The following NR2C1 variants were observed in gnomAD, a reference collection of about 807,000 sequenced individuals.
The protein encoded by NR2C1 is nuclear receptor subfamily 2 group C member 1.
In NR2C1, 33 loss-of-function variants were observed where a neutral mutation model predicts 74.8. The observed-to-expected ratio is 0.44, with a 90% CI of 0.33 to 0.59. The LOEUF is 0.59. Among genes scored for constraint, NR2C1 ranks in the 20% least tolerant of loss-of-function variants. The pLI is 0.02. For synonymous variants in NR2C1, 225 were observed against 240.6 expected (o/e 0.94, Z 0.60); for missense variants, 568 against 715.6 (o/e 0.79, Z 2.35).
Position 95,062,534 on chromosome 12 carries a change from G to C in NR2C1, c.259C>G (p.Pro87Ala), listed in dbSNP as rs143101823. The change falls in exon 3 of 14, where the codon CCT becomes GCT. Residue 87 changes from proline (P) to alanine (A), a missense_variant. Physicochemically the swap from Pro to Ala is conservative, Grantham distance 27. Around this residue, in one of 6 missense-constraint regions of NR2C1, gnomAD observed 128 missense variants for 118.9 expected, o/e 1.08. Transcript: ENST00000333003. ...TGCAGGTGTTGTGCAGACAGATCAG[G>C]AGTGGTAAAAAATAACTGGTTGACA... ...AGVNQLFFTT[P>A]DLSAQHLQLL... 2.1e-5 allele frequency: 34 copies of C among 1,610,710 alleles called. No homozygotes were observed. The highest frequency in any genetic ancestry group is 3.3e-4 in the Middle Eastern group (2 of 6,080).
chr12:95,070,256 C>T (rs538251746), intron 1 of NR2C1, among the ~76,000 whole-genome samples: 5 of 152,176 alleles, frequency 3.3e-5, no homozygotes, highest in Non-Finnish European at 7.4e-5. Flanking sequence ...CTCAGCCTCC[C>T]GAGTAGCTGG....
intron 8 of NR2C1, among the ~76,000 whole-genome samples, chr12:95,051,292 T>C (rs191174544): frequency 2.0e-5 from 3 of 152,282 alleles, no homozygotes; most frequent in Admixed American, 6.5e-5. Context: ...TCAGTGTTTA[T>C]TCCCTGTCCC....
chr12:95,056,934 C>T lies in NR2C1; in HGVS notation c.783+619G>A, dbSNP rs371565877. ...AGACTGTGCCACTGCACTCTAGCCT[C>T]GGCAACAGAGTGAGACTCCATCTCA... On this transcript the variant is annotated intron_variant, in intron 7 of 13. Coordinates refer to ENST00000333003, the MANE Select transcript of NR2C1 (RefSeq NM_003297.4). Among the ~76,000 whole-genome samples, 58 of 142,810 alleles carry T rather than the reference C, an allele frequency of 4.1e-4. 1 individual carries two copies. The East Asian group carries it at 6.3e-3, about 16-fold the overall frequency. 93.7% of individuals were successfully genotyped at this position (142,810 alleles called of 152,430 possible).
At chr12:95,030,664 A>C in intron 11 of NR2C1, 1 of 1,609,030 alleles carries the variant, frequency 6.2e-7, no homozygotes, top group Non-Finnish European at 8.5e-7. Flanking sequence ...ATGATTTAAA[A>C]ATTATATAAA....
rs753424529 is a variant in NR2C1, at chr12:95,062,540, T to C, written c.253A>G (p.Thr85Ala). 4.3e-6 allele frequency: 7 copies of C among 1,611,664 alleles called. No homozygotes were observed. In the African/African-American group the frequency reaches 9.4e-5, roughly 22 times the overall value. The change falls in exon 3 of 14, where the codon ACC becomes GCC. Residue 85 changes from threonine (T) to alanine (A), a missense_variant. By Grantham distance (58) the Thr-to-Ala change is moderately conservative. Around this residue, in one of 6 missense-constraint regions of NR2C1, gnomAD observed 128 missense variants for 118.9 expected, o/e 1.08. Coordinates refer to ENST00000333003, the MANE Select transcript of NR2C1 (RefSeq NM_003297.4). Reference protein sequence around the residue: ...DAAGVNQLFFTTPDLSAQHLQ... With the variant: ...DAAGVNQLFFATPDLSAQHLQ... ...TGTTGTGCAGACAGATCAGGAGTGG[T>C]AAAAAATAACTGGTTGACACCTGCT...
intron 2 of NR2C1, among the ~76,000 whole-genome samples, chr12:95,065,799 A>G (rs756060585): frequency 1.2e-4 from 18 of 152,094 alleles, no homozygotes; most frequent in Non-Finnish European, 2.4e-4. Context: ...AAAATACAAA[A>G]TTTAGCTGGG....
chr12:95,051,971 G>A (rs1347020926), intron 7 of NR2C1, 28 bp from the exon 8 acceptor site: 2 of 1,455,638 alleles, frequency 1.4e-6, no homozygotes, highest in Non-Finnish European at 1.8e-6. Flanking sequence ...TTAAAATTCT[G>A]TGAATTGGTA....
intron 1 of NR2C1, among the ~76,000 whole-genome samples, chr12:95,072,210 C>G (rs1048712343): frequency 3.3e-5 from 5 of 149,672 alleles, no homozygotes; most frequent in African/African-American, 1.2e-4. Context: ...GGGTACATCA[C>G]GAGGTCAGAG....
chr12:95,058,738 AG>A (rs1874284901), intron 4 of NR2C1, among the ~76,000 whole-genome samples: 1 of 152,128 alleles, frequency 6.6e-6, no homozygotes. Flanking sequence ...ACTGGACTCA[AG>A]GGATATCCCC....
rs1043580174 is a variant in NR2C1, at chr12:95,058,624, A to C, written c.365-135T>G. 9.9e-6 allele frequency: 7 copies of C among 705,712 alleles called. No individual in the cohort carries two copies. The African/African-American group carries it at 1.3e-4, about 13-fold the overall frequency. The allele number at this position is 705,712 out of a possible 1,614,324, so 43.7% of individuals were successfully genotyped here. A position where few individuals can be genotyped will look rare whatever the true frequency, so the allele number is the denominator to read the frequency against. ...AGCTTCTGACATGAAAAACATTTTTAGAAGTTATTTTTATTTATCATAACT... is the reference window on the plus strand; with the variant it reads ...AGCTTCTGACATGAAAAACATTTTTCGAAGTTATTTTTATTTATCATAACT... On this transcript the variant is annotated intron_variant, in intron 4 of 13. Transcript: ENST00000333003.
At position 95,062,670 on chromosome 12, in the gene NR2C1, G is replaced by A. The variant is rs756239896; in HGVS notation, c.123C>T (p.Gly41=). The A allele has an allele frequency of 6.2e-7, 1 of 1,614,106 alleles. No individual in the cohort carries two copies. ...CGTGATTTGTCAGAATGAACTGCTT[G>A]CCTTGGGTATTATGATCAAGTGCTG... ...IVTALDHNTQ[G]KQFILTNHDG... is the part of the protein sequence containing the mutation. The change falls in exon 3 of 14, where the codon GGC becomes GGT. Residue 41 remains glycine (G), a synonymous_variant. Coordinates refer to ENST00000333003, the MANE Select transcript of NR2C1 (RefSeq NM_003297.4).
At chr12:95,033,105 C>T (rs1870360804) in intron 10 of NR2C1, among the ~76,000 whole-genome samples, 1 of 149,698 alleles carries the variant, frequency 6.7e-6, no homozygotes, top group Non-Finnish European at 1.5e-5. Context: ...TGTGAAGAGA[C>T]ACTGCACTCC....
chr12:95,040,373 CTGT>C, intron 10 of NR2C1, 100 bp downstream of exon 10: 1 of 1,101,972 alleles, frequency 9.1e-7, no homozygotes, highest in Non-Finnish European at 1.3e-6. Context: ...TAATGTTATA[CTGT>C]TTTTTCCTTT....
At chr12:95,062,777 A>C (rs752858295) in intron 2 of NR2C1, 39 bp from the exon 3 acceptor site, 52 of 1,495,194 alleles carry the variant, frequency 3.5e-5, no homozygotes, top group Non-Finnish European at 4.6e-5. Context: ...AAACTCAATA[A>C]TTTTTCTTTA....
chr12:95,025,815 A>T (rs1227565134), intron 12 of NR2C1, among the ~76,000 whole-genome samples: 1 of 151,434 alleles, frequency 6.6e-6, no homozygotes, highest in Non-Finnish European at 1.5e-5. Flanking sequence ...AGCGGGTGTT[A>T]CCAAAACAAA....
intron 9 of NR2C1, among the ~76,000 whole-genome samples, chr12:95,041,773 A>G (rs895196576): frequency 2.0e-5 from 3 of 152,244 alleles, no homozygotes; most frequent in African/African-American, 7.2e-5. Context: ...AAGTAAGTAC[A>G]TGCAATAATA....
At chr12:95,024,282 A>G (rs931752120) in intron 13 of NR2C1, among the ~76,000 whole-genome samples, 4 of 152,336 alleles carry the variant, frequency 2.6e-5, no homozygotes, top group Middle Eastern at 3.4e-3. Context: ...CACAGTCCTA[A>G]GCACTGTACA....
intron 2 of NR2C1, among the ~76,000 whole-genome samples, chr12:95,064,781 C>A (rs761128314): frequency 4.6e-5 from 7 of 152,134 alleles, no homozygotes; most frequent in Non-Finnish European, 1.0e-4. Context: ...ATGGCAAAGT[C>A]CGTTTGTTTC....
At chr12:95,055,438 C>T (rs1873689100) in intron 7 of NR2C1, among the ~76,000 whole-genome samples, 1 of 152,146 alleles carries the variant, frequency 6.6e-6, no homozygotes, top group African/African-American at 2.4e-5. Context: ...CTAGCAATTA[C>T]ATGCTAAAGC....
Sources: gnomAD v4.1 joint callset for allele counts (sites outside exome capture counted in the v4.1 genomes callset) on GRCh38, gnomAD v4.1.1 for gene constraint, gnomAD v4.1.1 regional missense constraint, MANE v1.5 for transcripts, NCBI Gene and HGNC (gene_info 2026-07-23, HGNC 2026-07-21) for gene names.